RMND1: variants seen among roughly 807,000 people sequenced by gnomAD.
RMND1 encodes the protein required for meiotic nuclear division 1 homolog.
RMND1 carries 41 observed loss-of-function variants against 54.0 expected under a neutral mutation model. The ratio of observed to expected loss-of-function variants is 0.76; its 90% CI spans 0.59 to 0.98. The LOEUF (loss-of-function observed/expected upper bound fraction) is 0.98, where lower values mean the gene tolerates loss of function less well. RMND1 is among the 50% of genes least tolerant of loss of function. The probability of loss-of-function intolerance (pLI) is 0.00; values close to 1 mark genes in which losing one functional copy is unlikely to be tolerated. For missense variants in RMND1, 457 were observed against 532.0 expected, an observed-to-expected ratio of 0.86 and a Z score of 1.39; for synonymous variants, 183 against 181.7, an observed-to-expected ratio of 1.01 and a Z score of -0.06.
chr6:151,442,352 TA>T (rs1354023539), intron 2 of RMND1, among the ~76,000 whole-genome samples: 1 of 152,216 alleles, frequency 6.6e-6, no homozygotes, highest in Non-Finnish European at 1.5e-5. Flanking sequence ...TGTTATTTTC[TA>T]TTCTATTTCA....
intron 4 of RMND1, among the ~76,000 whole-genome samples, chr6:151,431,057 A>G (rs533443303): frequency 4.6e-5 from 7 of 152,112 alleles, no homozygotes; most frequent in Non-Finnish European, 8.8e-5. Flanking sequence ...CAGTGCTACA[A>G]GAGTATGCAG....
At chr6:151,450,577 T>TGGG (rs555121094) in intron 1 of RMND1, among the ~76,000 whole-genome samples, 2 of 111,610 alleles carry the variant, frequency 1.8e-5, no homozygotes, top group African/African-American at 7.2e-5. Flanking sequence ...GGGAGGGAGG[T>TGGG]GGGGGGGTCA....
At chr6:151,450,455 G>GGTTAGCCCCCCGCCC (rs1554348316) in intron 1 of RMND1, among the ~76,000 whole-genome samples, 2 of 89,374 alleles carry the variant, frequency 2.2e-5, no homozygotes, top group African/African-American at 9.9e-5. Context: ...GGAGGTGGGG[G>GGTTAGCCCCCCGCCC]GGCCAGCCCC....
In RMND1 at chr6:151,404,860, T is replaced by G; in HGVS notation, c.*375A>C. ...TTAAATGATCACCCAGTAGTGAACA[T>G]TTATTTATTTATTTTATTGTTTATT... On this transcript the variant is annotated 3_prime_UTR_variant, in exon 12 of 12. Coordinates refer to ENST00000444024, the MANE Select transcript of RMND1 (RefSeq NM_017909.4). The G allele has an allele frequency of 6.0e-6, 1 of 165,388 alleles. No homozygotes were observed. The highest frequency in any genetic ancestry group is 1.3e-5 in the Non-Finnish European group (1 of 77,530). 10.2% of individuals were successfully genotyped at this position (165,388 alleles called of 1,614,324 possible). A position where few individuals can be genotyped will look rare whatever the true frequency, so the allele number is the denominator to read the frequency against.
chr6:151,441,419 C>T (rs77548094), intron 2 of RMND1, among the ~76,000 whole-genome samples: 15,130 of 152,012 alleles, frequency 0.1, 816 homozygotes, highest in Middle Eastern at 0.18. Context: ...TTCTAAAAAT[C>T]CCTTGGAATT....
rs189988258 is a variant in RMND1, at chr6:151,445,685, T to C, written c.127A>G (p.Thr43Ala). 3 of 1,614,204 alleles carry C rather than the reference T, an allele frequency of 1.9e-6. No homozygotes were observed. The highest frequency in any genetic ancestry group is 1.7e-6 in the Non-Finnish European group (2 of 1,180,024). ...LKEFENTTCSTLTIRQSLDLF... is the reference protein window; with the variant it reads ...LKEFENTTCSALTIRQSLDLF... Reference sequence around the variant, plus strand: ...TCCAAGCTTTGACGTATTGTCAGTGTGCTGCATGTTGTATTTTCAAATTCC... The same window carrying C: ...TCCAAGCTTTGACGTATTGTCAGTGCGCTGCATGTTGTATTTTCAAATTCC... The change falls in exon 2 of 12, where the codon ACA (threonine) becomes GCA (alanine). Residue 43 changes from threonine (T) to alanine (A), a missense_variant. Coordinates refer to ENST00000444024, the MANE Select transcript of RMND1 (RefSeq NM_017909.4).
chr6:151,408,693 A>C (rs1779711261), intron 10 of RMND1: 1 of 152,258 alleles, frequency 6.6e-6, no homozygotes, highest in African/African-American at 2.4e-5. Flanking sequence ...TGTAATCACA[A>C]GGGTCCTTAA....
At chr6:151,450,477 A>C (rs867058946) in intron 1 of RMND1, among the ~76,000 whole-genome samples, 1 of 67,154 alleles carries the variant, frequency 1.5e-5, no homozygotes, top group African/African-American at 8.3e-5. Context: ...GTCCGGGAGG[A>C]AGGTGGGGTG....
At chr6:151,418,072 C>T (rs565904072) in intron 9 of RMND1, among the ~76,000 whole-genome samples, 3 of 152,160 alleles carry the variant, frequency 2.0e-5, no homozygotes, top group African/African-American at 7.2e-5. Context: ...TCCCAAAGTG[C>T]TGGGATTACA....
At chr6:151,439,088 G>A (rs1459497704) in intron 2 of RMND1, among the ~76,000 whole-genome samples, 1 of 152,082 alleles carries the variant, frequency 6.6e-6, no homozygotes, top group African/African-American at 2.4e-5. Context: ...CACTCTGGGC[G>A]ACACAGCAAG....
intron 2 of RMND1, among the ~76,000 whole-genome samples, chr6:151,444,803 AC>A (rs1780902900): frequency 1.3e-5 from 2 of 151,884 alleles, no homozygotes; most frequent in Non-Finnish European, 2.9e-5. Flanking sequence ...AATAAAAAAT[AC>A]CCCCTTAAAC....
rs1439869847 is a variant in RMND1 at position 151,450,529 on chromosome 6, T to TG, written c.-15+1486dup. On this transcript the variant is annotated intron_variant, in intron 1 of 11. Transcript: ENST00000444024. The stretch of plus-strand genomic sequence containing the variant: ...CCAGCCGCCCCGTCCGGGAGGGAGG[T>TG]GGGGGGTCAGCCCCCCGCCCGGCCA... Among the ~76,000 whole-genome samples, 20 of 94,796 alleles carry TG rather than the reference T, an allele frequency of 2.1e-4. 1 individual carries two copies. Among genetic ancestry groups the TG allele is most frequent in the African/African-American group, 2.8e-4 (6 of 21,090 alleles). 62.2% of individuals were successfully genotyped at this position (94,796 alleles called of 152,430 possible).
At chr6:151,424,006 C>A (rs975710175) in intron 6 of RMND1, among the ~76,000 whole-genome samples, 5 of 151,982 alleles carry the variant, frequency 3.3e-5, no homozygotes, top group Non-Finnish European at 5.9e-5. Flanking sequence ...CGTAACCACA[C>A]CCAGCTAATT....
chr6:151,420,493 C>T (rs957930981), intron 9 of RMND1, among the ~76,000 whole-genome samples: 4 of 152,126 alleles, frequency 2.6e-5, no homozygotes, highest in Non-Finnish European at 2.9e-5. Context: ...CACCAACATC[C>T]GGGATGTTTC....
In RMND1 at chr6:151,441,998, G is replaced by C. The variant is rs535072232; in HGVS notation, c.504+3310C>G. On this transcript the variant is annotated intron_variant, in intron 2 of 11. Transcript: ENST00000444024. ...TCTGCACTAACTCTGGCTAGTGCTG[G>C]AATTGAACTGAATTGCAGGACACCT... Among the ~76,000 whole-genome samples the C allele has an allele frequency of 5.9e-5, 9 of 152,262 alleles. No individual in the cohort carries two copies. The Middle Eastern group carries it at 0.01, about 173-fold the overall frequency.
At position 151,406,119 on chromosome 6, in the gene RMND1, T is replaced by C. The variant is rs80141940; in HGVS notation, c.1201-283A>G. The stretch of plus-strand genomic sequence containing the variant: ...CCTAGTTTTTAGTAGCTGCCCTTTT[T>C]AGCAGTTAAAAGAGGCAAACTTGAA... On this transcript the variant is annotated intron_variant, in intron 10 of 11. Transcript: ENST00000444024. Among the ~76,000 whole-genome samples the C allele has an allele frequency of 6.6e-3, 998 of 152,338 alleles. 9 individuals carry two copies. Among genetic ancestry groups the C allele is most frequent in the African/African-American group, 0.023 (942 of 41,578 alleles).
chr6:151,431,595 A>G (rs1780449328), intron 4 of RMND1, among the ~76,000 whole-genome samples: 1 of 152,016 alleles, frequency 6.6e-6, no homozygotes, highest in Non-Finnish European at 1.5e-5. Context: ...AGAGGAATGC[A>G]CTGTGCTGTG....
intron 6 of RMND1, 123 bp downstream of exon 6, chr6:151,427,359 G>C: frequency 1.9e-6 from 1 of 538,554 alleles, no homozygotes; most frequent in Non-Finnish European, 3.3e-6. Flanking sequence ...CTGGGCGACA[G>C]AGTGAGACTC....
intron 10 of RMND1, among the ~76,000 whole-genome samples, chr6:151,407,091 C>A (rs1340224449): frequency 6.6e-6 from 1 of 151,876 alleles, no homozygotes; most frequent in Non-Finnish European, 1.5e-5. Flanking sequence ...GTGGTCAAGG[C>A]TGCAATGAGC....
Sources: gnomAD v4.1 joint callset for allele counts (sites outside exome capture counted in the v4.1 genomes callset) on GRCh38, gnomAD v4.1.1 for gene constraint, MANE v1.5 for transcripts, NCBI Gene and HGNC (gene_info 2026-07-23, HGNC 2026-07-21) for gene names.